Variants in FANCI observed in about 807,000 individuals in gnomAD.
FANCI encodes FA complementation group I, also known as Fanconi anemia group I protein.
Under a neutral mutation model 176.1 loss-of-function variants are expected in FANCI, and 156 were observed. That is an observed-to-expected ratio of 0.89 (90% CI 0.78 to 1.01). FANCI has a LOEUF of 1.01. Among genes scored for constraint, FANCI ranks in the 50% least tolerant of loss-of-function variants. FANCI has a pLI of 0.00. For synonymous variants in FANCI, 613 were observed against 541.7 expected, an observed-to-expected ratio of 1.13 and a Z score of -1.83; for missense variants, 1,678 against 1,534.1, an observed-to-expected ratio of 1.09 and a Z score of -1.57.
At chr15:89,270,572 A>G (rs953445633) in intron 10 of FANCI, among the ~76,000 whole-genome samples, 3 of 152,068 alleles carry the variant, frequency 2.0e-5, no homozygotes, top group Non-Finnish European at 4.4e-5. Flanking sequence ...TTTTAATTAG[A>G]AAATTTTAAT....
chr15:89,306,021 C>T lies in FANCI; in HGVS notation c.3364C>T (p.Gln1122Ter). The T allele has an allele frequency of 6.2e-7, 1 of 1,614,208 alleles. No homozygotes were observed. The highest frequency in any genetic ancestry group is 8.5e-7 in the Non-Finnish European group (1 of 1,180,032). Residue 1122 changes from glutamine (Q) to a stop codon, truncating the protein, a stop_gained, in exon 32 of 38, where the codon CAG becomes TAG. Transcript: ENST00000310775. LOFTEE classifies it high-confidence loss of function. ...QETLSEEASS[Q>*]ATLPNQPVEK... The stretch of plus-strand genomic sequence containing the variant: ...TTTCCCTTTAGAAGAGGCCTCTTCT[C>T]AGGCAACCCTACCAAATCAGCCTGT...
At chr15:89,302,351 T>C (rs530418031) in intron 27 of FANCI, among the ~76,000 whole-genome samples, 16 of 152,250 alleles carry the variant, frequency 1.1e-4, no homozygotes, top group African/African-American at 3.6e-4. Context: ...GCTCTCATCA[T>C]CGTTCTTTCA....
At chr15:89,287,784 G>A (rs888084289) in intron 18 of FANCI, among the ~76,000 whole-genome samples, 5 of 152,062 alleles carry the variant, frequency 3.3e-5, no homozygotes, top group Non-Finnish European at 7.3e-5. Context: ...CCTGAGGAGA[G>A]GTGGAGAGAT....
At chr15:89,287,511 C>A (rs2151646047) in intron 18 of FANCI, among the ~76,000 whole-genome samples, 1 of 151,958 alleles carries the variant, frequency 6.6e-6, no homozygotes, top group African/African-American at 2.4e-5. Flanking sequence ...GCTTTCTAAT[C>A]ATTCATATGT....
Position 89,273,513 on chromosome 15 carries a change from A to C in FANCI, c.975+44A>C, listed in dbSNP as rs752942375. 191 of 169,216 alleles carry C rather than the reference A, an allele frequency of 1.1e-3. No individual in the cohort carries two copies. The highest frequency in any genetic ancestry group is 4.3e-3 in the African/African-American group (127 of 29,324). 10.5% of individuals were successfully genotyped at this position (169,216 alleles called of 1,614,324 possible). A position where few individuals can be genotyped will look rare whatever the true frequency, so the allele number is the denominator to read the frequency against. Reference sequence around the variant, plus strand: ...ATTTTGTTTCTTTCTGTAGTTGGTAAAAAAAAAAAAAAAAAAAAAAAATCA... The same window carrying C: ...ATTTTGTTTCTTTCTGTAGTTGGTACAAAAAAAAAAAAAAAAAAAAAATCA... On this transcript the variant is annotated intron_variant, in intron 11 of 37. Transcript: ENST00000310775.
chr15:89,310,448 T>C (rs1006946767), intron 34 of FANCI, among the ~76,000 whole-genome samples: 3 of 152,250 alleles, frequency 2.0e-5, no homozygotes, highest in Non-Finnish European at 4.4e-5. Flanking sequence ...TCACTACTAC[T>C]TCCTAGACTG....
At chr15:89,272,407 C>A (rs530831250) in intron 10 of FANCI, among the ~76,000 whole-genome samples, 1 of 152,108 alleles carries the variant, frequency 6.6e-6, no homozygotes, top group Non-Finnish European at 1.5e-5. Context: ...ATATAATTAG[C>A]AAATATTTTT....
intron 28 of FANCI, among the ~76,000 whole-genome samples, chr15:89,304,452 A>G (rs544558871): frequency 5.0e-4 from 76 of 152,374 alleles, no homozygotes; most frequent in African/African-American, 1.6e-3. Flanking sequence ...GAAGTTCAAA[A>G]TTAGACAAAA....
intron 18 of FANCI, among the ~76,000 whole-genome samples, chr15:89,289,400 G>T (rs1167892974): frequency 1.3e-5 from 2 of 151,806 alleles, no homozygotes; most frequent in Non-Finnish European, 2.9e-5. Context: ...CCCATCCCCA[G>T]TTTAAGCGAT....
Position 89,283,139 on chromosome 15 carries a change from GC to G in FANCI, c.1588del (p.Asp531MetfsTer14). 1 of 1,614,138 alleles carries G rather than the reference GC, an allele frequency of 6.2e-7. No homozygotes were observed. Among genetic ancestry groups the G allele is most frequent in the South Asian group, 1.1e-5 (1 of 91,078 alleles). On this transcript the variant is annotated frameshift_variant, in exon 17 of 38. Coordinates refer to ENST00000310775, the MANE Select transcript of FANCI (RefSeq NM_001113378.2). LOFTEE classifies it high-confidence loss of function. ...VLRKAMFANQLDARKSAVAGF... is the reference protein window; with the variant it reads ...VLRKAMFANQXDARKSAVAGF... Reference sequence around the variant, plus strand: ...AACTTCTCTATTTCTGAGCTAGCCAGCTTGATGCCCGAAAATCTGCAGTTGC... The same window carrying G: ...AACTTCTCTATTTCTGAGCTAGCCAGTTGATGCCCGAAAATCTGCAGTTGC...
intron 2 of FANCI, among the ~76,000 whole-genome samples, chr15:89,248,456 A>C (rs1025047545): frequency 1.3e-5 from 2 of 152,164 alleles, no homozygotes; most frequent in Non-Finnish European, 2.9e-5. Context: ...TAGTTATTGA[A>C]GGAAGGTGCA....
intron 14 of FANCI, among the ~76,000 whole-genome samples, chr15:89,280,019 C>A (rs1388855452): frequency 1.3e-5 from 2 of 152,052 alleles, no homozygotes; most frequent in Non-Finnish European, 2.9e-5. Context: ...ATTGTCAGCT[C>A]TTTTTGTTTG....
At position 89,264,535 on chromosome 15, in the gene FANCI, G is replaced by A; in HGVS notation, c.683G>A (p.Ser228Asn). 1 of 1,613,828 alleles carries A rather than the reference G, an allele frequency of 6.2e-7. No individual in the cohort carries two copies. Among genetic ancestry groups the A allele is most frequent in the African/African-American group, 1.3e-5 (1 of 75,040 alleles). The change falls in exon 9 of 38, where the codon AGT becomes AAT. Residue 228 changes from serine (S) to asparagine (N), a missense_variant. Physicochemically the swap from Ser to Asn is conservative, Grantham distance 46. Coordinates refer to ENST00000310775, the MANE Select transcript of FANCI (RefSeq NM_001113378.2). ...TATTGTTTTCAGGGAAGCAGAAAGA[G>A]TGTTTTGGAAGGAATCATAGCCTTC... The part of the protein sequence containing the change: ...LVLSSKGSRK[S>N]VLEGIIAFFS...
chr15:89,314,622 T>A lies in FANCI; in HGVS notation c.3731T>A (p.Leu1244His), dbSNP rs1193555634. ...GTTCTTTGCCCTTAGGCCAGAGTTCTTCGGGAAACCAAGCCAATCCCTAAC... is the reference window on the plus strand; with the variant it reads ...GTTCTTTGCCCTTAGGCCAGAGTTCATCGGGAAACCAAGCCAATCCCTAAC... ...AAVATAMARV[L>H]RETKPIPNLI... Residue 1244 changes from leucine (L) to histidine (H), a missense_variant, in exon 36 of 38, where the codon CTT (leucine) becomes CAT (histidine). Leu to His is a moderately conservative substitution (Grantham distance 99). This residue lies in a region of FANCI where 1,204 missense variants were observed against 1,077.4 expected (regional missense o/e 1.12). Transcript: ENST00000310775. 1.2e-6 allele frequency: 2 copies of A among 1,613,874 alleles called. No individual in the cohort carries two copies. The highest frequency in any genetic ancestry group is 2.7e-5 in the African/African-American group (2 of 74,938).
At position 89,307,464 on chromosome 15, in the gene FANCI, T is replaced by G; in HGVS notation, c.3538-12T>G. 2 of 1,611,850 alleles carry G rather than the reference T, an allele frequency of 1.2e-6. No individual in the cohort carries two copies. The highest frequency in any genetic ancestry group is 2.2e-5 in the South Asian group (2 of 90,820). Reference sequence around the variant, plus strand: ...GGACAGTCTACTAAATCTAGGAATCTTTTTTTATTAGTATCTCCAGGTGTG... The same window carrying G: ...GGACAGTCTACTAAATCTAGGAATCGTTTTTTATTAGTATCTCCAGGTGTG... On this transcript the variant is annotated splice_polypyrimidine_tract_variant and intron_variant, in intron 32 of 37. Transcript: ENST00000310775.
At chr15:89,316,374 G>C in intron 37 of FANCI, 23 bp from the exon 38 acceptor site, 7 of 1,605,604 alleles carry the variant, frequency 4.4e-6, no homozygotes, top group Non-Finnish European at 6.0e-6. Context: ...TCACGTTAGA[G>C]CATTAATTCT....
At chr15:89,261,495 A>C (rs1170049831) in intron 4 of FANCI, 90 bp from the exon 5 acceptor site, 14 of 1,527,048 alleles carry the variant, frequency 9.2e-6, no homozygotes, top group Non-Finnish European at 1.3e-5. Context: ...CGGTCAATTC[A>C]TTTATTTCAG....
In FANCI at chr15:89,308,148, T is replaced by TA. The variant is rs1399486286; in HGVS notation, c.3651+476_3651+477insA. On this transcript the variant is annotated intron_variant, in intron 34 of 37. Coordinates refer to ENST00000310775, the MANE Select transcript of FANCI (RefSeq NM_001113378.2). ...GATTCCTGCAGTACTTGAATCTCCT[T>TA]TACTGTTTGCTTAAACCAGTTTTTT... is the stretch of plus-strand genomic sequence containing the variant. 1.0e-5 allele frequency: 11 copies of TA among 1,064,996 alleles called. No homozygotes were observed. The East Asian group carries it at 8.2e-4, about 80-fold the overall frequency. 66.0% of individuals were successfully genotyped at this position (1,064,996 alleles called of 1,614,324 possible).
At chr15:89,273,241 C>T (rs2151436223) in intron 10 of FANCI, 136 bp from the exon 11 acceptor site, 1 of 603,386 alleles carries the variant, frequency 1.7e-6, no homozygotes, top group South Asian at 2.0e-5. Context: ...GAAATCAAGG[C>T]TGCAGTGAGC....
Sources: allele counts gnomAD v4.1 joint callset (sites outside exome capture counted in the v4.1 genomes callset), GRCh38; gene constraint gnomAD v4.1.1; regional missense constraint gnomAD v4.1.1; transcripts MANE v1.5; gene names NCBI Gene and HGNC (gene_info 2026-07-23, HGNC 2026-07-21).